Variants in CCDC102B observed in about 807,000 individuals in gnomAD.
CCDC102B encodes coiled-coil domain containing 102B, also known as coiled-coil domain-containing protein 102B.
A neutral mutation model predicts 57.4 loss-of-function variants in CCDC102B; 75 were observed. That is an observed-to-expected ratio of 1.31 (90% CI 1.08 to 1.58). The LOEUF is 1.58. CCDC102B is among the 40% of genes most tolerant of loss of function. CCDC102B has a pLI of 0.00. For missense variants in CCDC102B, 636 were observed against 582.6 expected (o/e 1.09, Z -0.94); for synonymous variants, 206 against 201.9 (o/e 1.02, Z -0.17).
chr18:68,783,463 G>A (rs1013583858), intron 2 of CCDC102B, among the ~76,000 whole-genome samples: 1 of 152,196 alleles, frequency 6.6e-6, no homozygotes, highest in Non-Finnish European at 1.5e-5. Context: ...CAGCTGCTGT[G>A]TGTGTGAGCA....
chr18:68,889,718 C>A (rs1345458215), intron 5 of CCDC102B, among the ~76,000 whole-genome samples: 1 of 152,148 alleles, frequency 6.6e-6, no homozygotes, highest in African/African-American at 2.4e-5. Context: ...GGATTACAGG[C>A]GTGAGCCACC....
intron 7 of CCDC102B, among the ~76,000 whole-genome samples, chr18:69,021,693 A>G (rs1030312691): frequency 6.6e-6 from 1 of 152,160 alleles, no homozygotes; most frequent in South Asian, 2.1e-4. Context: ...ATTTGGGATT[A>G]TTCCTTTTAA....
intron 1 of CCDC102B, among the ~76,000 whole-genome samples, chr18:68,828,896 C>A (rs1041819494): frequency 1.3e-5 from 2 of 151,688 alleles, no homozygotes; most frequent in Non-Finnish European, 3.0e-5. Context: ...TTGACTTGAT[C>A]ATCAAGACGT....
chr18:68,945,776 C>G (rs781278168), intron 6 of CCDC102B, among the ~76,000 whole-genome samples: 5 of 151,946 alleles, frequency 3.3e-5, no homozygotes, highest in Non-Finnish European at 7.4e-5. Context: ...AAGAACTGTC[C>G]TTTTTAATTG....
intron 6 of CCDC102B, among the ~76,000 whole-genome samples, chr18:68,917,276 C>T (rs1209569549): frequency 2.6e-5 from 4 of 151,986 alleles, no homozygotes; most frequent in Admixed American, 6.6e-5. Flanking sequence ...TGGGGCTCCC[C>T]GGTCTGTGTT....
chr18:68,989,609 C>T (rs1270958563), intron 6 of CCDC102B, among the ~76,000 whole-genome samples: 1 of 152,182 alleles, frequency 6.6e-6, no homozygotes, highest in African/African-American at 2.4e-5. Flanking sequence ...TCATGAGCCT[C>T]AGGCAGGGGG....
At chr18:68,996,391 A>G (rs183121242) in intron 6 of CCDC102B, among the ~76,000 whole-genome samples, 2 of 152,136 alleles carry the variant, frequency 1.3e-5, no homozygotes, top group Admixed American at 1.3e-4. Context: ...CTGCTTCCTT[A>G]CCTTTGAGGT....
chr18:68,993,476 A>G (rs974259029), intron 6 of CCDC102B: 2 of 152,220 alleles, frequency 1.3e-5, no homozygotes, highest in African/African-American at 4.8e-5. Context: ...CCTGTAATAA[A>G]GATACACAGT....
rs57064090 is a variant in CCDC102B at position 68,913,310 on chromosome 18, C to CTG, written c.1263+15915_1263+15916dup. 4.9e-3 allele frequency among the ~76,000 whole-genome samples: 663 copies of CTG among 135,586 alleles called. 1 individual carries two copies. The highest frequency in any genetic ancestry group is 0.015 in the Middle Eastern group (4 of 270). The allele number at this position is 135,586 out of a possible 152,430, so 88.9% of individuals were successfully genotyped here. On this transcript the variant is annotated intron_variant, in intron 6 of 7. Transcript: ENST00000360242. ...TAATTTTCCATTGGATGGTTAGTGT[C>CTG]TGTGTGTGTGTGTGTGTGTGTGTGT... is the stretch of plus-strand genomic sequence containing the variant.
chr18:68,857,577 A>G lies in CCDC102B; in HGVS notation c.936+11156A>G, dbSNP rs75836660. Among the ~76,000 whole-genome samples the G allele has an allele frequency of 8.8e-3, 1,329 of 151,010 alleles. 15 individuals carry two copies. Among genetic ancestry groups the G allele is most frequent in the African/African-American group, 0.029 (1,178 of 41,092 alleles). Reference sequence around the variant, plus strand: ...CCTTTATCTTCCTAATGCTCAATACAAAACCATATGCCAATATGTATGAAT... The same window carrying G: ...CCTTTATCTTCCTAATGCTCAATACGAAACCATATGCCAATATGTATGAAT... On this transcript the variant is annotated intron_variant, in intron 4 of 7. Transcript: ENST00000360242.
chr18:68,942,428 G>A (rs1041877947), intron 6 of CCDC102B, among the ~76,000 whole-genome samples: 9 of 152,022 alleles, frequency 5.9e-5, no homozygotes, highest in African/African-American at 2.2e-4. Flanking sequence ...CCCAGTCTCT[G>A]AGTTCCCTCA....
chr18:68,775,339 C>T (rs1373829972), intron 2 of CCDC102B, among the ~76,000 whole-genome samples: 1 of 151,826 alleles, frequency 6.6e-6, no homozygotes, highest in Non-Finnish European at 1.5e-5. Flanking sequence ...GTGAGAAATT[C>T]CTTTTATTAT....
chr18:68,955,748 T>G (rs2049827067), intron 6 of CCDC102B, among the ~76,000 whole-genome samples: 1 of 152,030 alleles, frequency 6.6e-6, no homozygotes, highest in Admixed American at 6.6e-5. Flanking sequence ...AATTATCTAG[T>G]GGTCAAAGTT....
intron 6 of CCDC102B, among the ~76,000 whole-genome samples, chr18:68,980,576 G>A (rs2145290462): frequency 6.6e-6 from 1 of 152,098 alleles, no homozygotes; most frequent in East Asian, 1.9e-4. Flanking sequence ...TGAGGGCACA[G>A]GTGGCATACA....
chr18:68,765,324 GGAAAGAAAGAAAGAAAGAAA>G (rs1298584705), intron 2 of CCDC102B, among the ~76,000 whole-genome samples: 9 of 60,332 alleles, frequency 1.5e-4, no homozygotes, highest in Non-Finnish European at 3.0e-4. Flanking sequence ...AAGGAAGGAA[GGAAAGAAAGAAAGAAAGAAA>G]GAAAGAAAGA....
intron 6 of CCDC102B, among the ~76,000 whole-genome samples, chr18:68,977,482 T>C (rs1300514620): frequency 4.0e-5 from 6 of 151,760 alleles, no homozygotes; most frequent in African/African-American, 9.7e-5. Flanking sequence ...GATTATTTTA[T>C]CTCTATATTC....
chr18:68,958,710 A>T (rs566266260), intron 6 of CCDC102B, among the ~76,000 whole-genome samples: 7 of 151,870 alleles, frequency 4.6e-5, no homozygotes, highest in Non-Finnish European at 7.4e-5. Context: ...GTCTTCTCTG[A>T]TTGTGTATTT....
chr18:69,010,875 T>G, intron 6 of CCDC102B, 59 bp from the exon 7 acceptor site: 1 of 1,262,432 alleles, frequency 7.9e-7, no homozygotes, highest in Non-Finnish European at 1.1e-6. Context: ...GAAGTTGCCA[T>G]TCTTCTGATT....
At chr18:68,907,335 AT>A (rs1568323524) in intron 6 of CCDC102B, among the ~76,000 whole-genome samples, 1 of 151,464 alleles carries the variant, frequency 6.6e-6, no homozygotes, top group African/African-American at 2.4e-5. Context: ...ATTTTTGCAA[AT>A]AAAAAAAAAA....
Sources: gnomAD v4.1 joint callset for allele counts (sites outside exome capture counted in the v4.1 genomes callset) on GRCh38, gnomAD v4.1.1 for gene constraint, MANE v1.5 for transcripts, NCBI Gene and HGNC (gene_info 2026-07-23, HGNC 2026-07-21) for gene names.